Variants in EHD1 observed in about 807,000 individuals in gnomAD.
EHD1 encodes the protein EH domain containing 1, also known as EH domain-containing protein 1.
In EHD1, 19 loss-of-function variants were observed where a neutral mutation model predicts 39.0. That is an observed-to-expected ratio of 0.49 (90% CI 0.34 to 0.72). The LOEUF is 0.72. Among genes scored for constraint, EHD1 ranks in the 30% least tolerant of loss-of-function variants. The pLI, the probability that EHD1 is intolerant of heterozygous loss-of-function variation, is 0.01. For synonymous variants in EHD1, 323 were observed against 331.2 expected (o/e 0.98, Z 0.27); for missense variants, 542 against 751.5 (o/e 0.72, Z 3.26).
At chr11:64,865,552 G>T (rs1378493544) in intron 2 of EHD1, among the ~76,000 whole-genome samples, 2 of 152,192 alleles carry the variant, frequency 1.3e-5, no homozygotes, top group South Asian at 2.1e-4. Flanking sequence ...GGCCCAAGCG[G>T]GTGGGCTGGA....
In EHD1 at chr11:64,854,107, T is replaced by C. The variant is rs551660619; in HGVS notation, c.*226A>G. 2 of 761,332 alleles carry C rather than the reference T, an allele frequency of 2.6e-6. No individual in the cohort carries two copies. The highest frequency in any genetic ancestry group is 3.5e-5 in the African/African-American group (2 of 56,904). 47.2% of individuals were successfully genotyped at this position (761,332 alleles called of 1,614,324 possible). On this transcript the variant is annotated 3_prime_UTR_variant, in exon 5 of 5. Coordinates refer to ENST00000320631, the MANE Select transcript of EHD1 (RefSeq NM_006795.4). ...AAAGAACGCAGCCTCTAACGTTATATATTAAAATAGCCACAGTTCTTGTGC... is the reference window on the plus strand; with the variant it reads ...AAAGAACGCAGCCTCTAACGTTATACATTAAAATAGCCACAGTTCTTGTGC...
intron 3 of EHD1, among the ~76,000 whole-genome samples, chr11:64,858,280 C>A (rs1322875899): frequency 6.6e-6 from 1 of 151,184 alleles, no homozygotes; most frequent in Admixed American, 6.6e-5. Flanking sequence ...CTCCTGGGTT[C>A]AAGTGATTCT....
Position 64,860,004 on chromosome 11 carries a change from A to G in EHD1, c.835T>C (p.Phe279Leu). The change falls in exon 3 of 5, where the codon TTC (phenylalanine) becomes CTC (leucine). Residue 279 changes from phenylalanine to leucine, a missense_variant. Phe to Leu is a conservative substitution (Grantham distance 22). Coordinates refer to ENST00000320631, the MANE Select transcript of EHD1 (RefSeq NM_006795.4). ...CGGGGCAGTGACTGGATGTCCTTGA[A>G]GAGGTCCTGCTCCTCGGCCTCAAAG... ...KLFEAEEQDL[F>L]KDIQSLPRNA... 6.2e-7 allele frequency: 1 copy of G among 1,613,990 alleles called. No homozygotes were observed. Among genetic ancestry groups the G allele is most frequent in the Non-Finnish European group, 8.5e-7 (1 of 1,180,018 alleles).
rs759052553 is a variant in EHD1, at chr11:64,878,405, C to T, written c.60G>A (p.Thr20=). The T allele has an allele frequency of 2.5e-6, 4 of 1,613,666 alleles. No individual in the cohort carries two copies. In the African/African-American group the frequency reaches 5.3e-5, roughly 22 times the overall value. The change falls in exon 1 of 5, where the codon ACG becomes ACA. Residue 20 remains threonine (T), a synonymous_variant. Transcript: ENST00000320631. ...RRKKEPELFQ[T]VAEGLRQLYA... ...ACAGCTGCCGCAGCCCCTCAGCCAC[C>T]GTCTGGAAGAGCTCCGGCTCCTTCT...
At chr11:64,872,773 G>C (rs1161383266) in intron 2 of EHD1, among the ~76,000 whole-genome samples, 2 of 152,226 alleles carry the variant, frequency 1.3e-5, no homozygotes, top group Non-Finnish European at 2.9e-5. Flanking sequence ...AGGCTGGAAG[G>C]AAAGAGAAGC....
intron 2 of EHD1, among the ~76,000 whole-genome samples, chr11:64,864,039 A>T (rs1207078072): frequency 2.6e-5 from 4 of 152,134 alleles, no homozygotes; most frequent in Non-Finnish European, 5.9e-5. Flanking sequence ...AAGTCACCAA[A>T]ATGTAAGGAA....
At chr11:64,869,686 G>A (rs1943807241) in intron 2 of EHD1, among the ~76,000 whole-genome samples, 2 of 152,212 alleles carry the variant, frequency 1.3e-5, no homozygotes, top group Admixed American at 6.5e-5. Flanking sequence ...ACTAACGTGG[G>A]ACTTGAACCT....
chr11:64,864,552 C>T (rs1266924524), intron 2 of EHD1, among the ~76,000 whole-genome samples: 1 of 152,206 alleles, frequency 6.6e-6, no homozygotes. Flanking sequence ...AAGCCTGCAG[C>T]GCCTGCCTGG....
chr11:64,873,982 T>C (rs563228252), intron 2 of EHD1, among the ~76,000 whole-genome samples: 1 of 151,104 alleles, frequency 6.6e-6, no homozygotes, highest in East Asian at 2.0e-4. Flanking sequence ...CGGCCACATT[T>C]TTTTTTTTAG....
chr11:64,878,212 C>G lies in EHD1; in HGVS notation c.253G>C (p.Gly85Arg). ...GTGGGCTCGGGCCCGATGCGCATCC[C>G]CGGGAAGTCCTGCTCGATCAGGTGT... Reference protein sequence around the residue: ...IRHLIEQDFPGMRIGPEPTTD... With the variant: ...IRHLIEQDFPRMRIGPEPTTD... Residue 85 changes from glycine (G) to arginine (R), a missense_variant, in exon 1 of 5, where the codon GGG becomes CGG. Physicochemically the swap from Gly to Arg is moderately radical, Grantham distance 125. Coordinates refer to ENST00000320631, the MANE Select transcript of EHD1 (RefSeq NM_006795.4). The G allele has an allele frequency of 6.2e-7, 1 of 1,612,680 alleles. No homozygotes were observed.
At chr11:64,867,375 C>T (rs571832978) in intron 2 of EHD1, among the ~76,000 whole-genome samples, 42 of 150,808 alleles carry the variant, frequency 2.8e-4, no homozygotes, top group Middle Eastern at 3.5e-3. Flanking sequence ...GCTGAGATCG[C>T]ACCACTGCAT....
intron 2 of EHD1, among the ~76,000 whole-genome samples, chr11:64,861,264 C>A (rs919448880): frequency 1.3e-5 from 2 of 152,140 alleles, no homozygotes; most frequent in Non-Finnish European, 2.9e-5. Flanking sequence ...CCTATTCCTG[C>A]CCCCACCATA....
At chr11:64,872,795 G>T (rs764605596) in intron 2 of EHD1, among the ~76,000 whole-genome samples, 20 of 152,318 alleles carry the variant, frequency 1.3e-4, no homozygotes, top group Admixed American at 4.6e-4. Context: ...AGGTTTCTCA[G>T]CTCCAAGAAC....
chr11:64,861,977 C>T (rs563840705), intron 2 of EHD1, among the ~76,000 whole-genome samples: 2 of 152,280 alleles, frequency 1.3e-5, no homozygotes, highest in Admixed American at 6.5e-5. Flanking sequence ...GCACAATCTT[C>T]GCTCACTGCA....
rs900647591 is a variant in EHD1 at position 64,868,207 on chromosome 11, G to A, written c.502+6214C>T. On this transcript the variant is annotated intron_variant, in intron 2 of 4. Coordinates refer to ENST00000320631, the MANE Select transcript of EHD1 (RefSeq NM_006795.4). This position sits in a 1 kb window ranked among gnomAD's most constrained non-coding sequence, Gnocchi z 4.2. ...TTTTGTTTCCTGTCATTCAAGCTGC[G>A]TGGGCTTCAGTATTTCTCGCCCTAG... Among the ~76,000 whole-genome samples, 6 of 152,152 alleles carry A rather than the reference G, an allele frequency of 3.9e-5. No individual in the cohort carries two copies. Among genetic ancestry groups the A allele is most frequent in the African/African-American group, 9.7e-5 (4 of 41,418 alleles).
rs559952501 is a variant in EHD1, at chr11:64,868,065, C to T, written c.502+6356G>A. 6.6e-6 allele frequency among the ~76,000 whole-genome samples: 1 copy of T among 152,228 alleles called. No individual in the cohort carries two copies. The highest frequency in any genetic ancestry group is 2.4e-5 in the African/African-American group (1 of 41,458). Reference sequence around the variant, plus strand: ...GAAGAGGGAGGTTCTCAGGCCTCCCCGCCCTACCCCAGCAGCCTCCAAAAC... The same window carrying T: ...GAAGAGGGAGGTTCTCAGGCCTCCCTGCCCTACCCCAGCAGCCTCCAAAAC... On this transcript the variant is annotated intron_variant, in intron 2 of 4. Transcript: ENST00000320631. This position sits in a 1 kb window ranked among gnomAD's most constrained non-coding sequence, Gnocchi z 4.2.
intron 2 of EHD1, among the ~76,000 whole-genome samples, chr11:64,862,460 C>T (rs144350224): frequency 6.6e-6 from 1 of 152,252 alleles, no homozygotes; most frequent in East Asian, 1.9e-4. Context: ...CTCCTGAGGA[C>T]GGGGATGCTG....
At position 64,878,362 on chromosome 11, in the gene EHD1, G is replaced by A; in HGVS notation, c.103C>T (p.Pro35Ser). 1 of 1,613,962 alleles carries A rather than the reference G, an allele frequency of 6.2e-7. No individual in the cohort carries two copies. The highest frequency in any genetic ancestry group is 8.5e-7 in the Non-Finnish European group (1 of 1,180,032). The change falls in exon 1 of 5, where the codon CCC (proline) becomes TCC (serine). Residue 35 changes from proline to serine, a missense_variant. Physicochemically the swap from Pro to Ser is moderately conservative, Grantham distance 74. Transcript: ENST00000320631. ...LRQLYAQKLLPLEEHYRFHEF... is the reference protein window; with the variant it reads ...LRQLYAQKLLSLEEHYRFHEF... ...TGGAAGCGGTAGTGCTCCTCCAGGG[G>A]TAGCAGCTTCTGCGCGTACAGCTGC...
intron 2 of EHD1, among the ~76,000 whole-genome samples, chr11:64,873,694 T>C (rs187071047): frequency 0.015 from 2,211 of 151,736 alleles, 48 homozygotes; most frequent in African/African-American, 0.05. Flanking sequence ...TTTTTTTTTT[T>C]CTGAGACGGA....
Sources: gnomAD v4.1 joint callset for allele counts (sites outside exome capture counted in the v4.1 genomes callset) on GRCh38, gnomAD v4.1.1 for gene constraint, Gnocchi (gnomAD v3.1) non-coding constraint, MANE v1.5 for transcripts, NCBI Gene and HGNC (gene_info 2026-07-23, HGNC 2026-07-21) for gene names.